Variants in BRD1 observed in about 807,000 individuals in gnomAD.
BRD1 encodes the protein bromodomain-containing protein 1.
Under a neutral mutation model 107.7 loss-of-function variants are expected in BRD1, and 24 were observed. The observed-to-expected ratio is 0.22, with a 90% confidence interval of 0.16 to 0.31. The LOEUF (loss-of-function observed/expected upper bound fraction) is 0.31, where lower values mean the gene tolerates loss of function less well. Ranked by LOEUF, BRD1 falls within the 10% of genes least tolerant of loss-of-function variation. BRD1 has a pLI of 1.00. For synonymous variants in BRD1, 744 were observed against 686.1 expected, an observed-to-expected ratio of 1.08 and a Z score of -1.32; for missense variants, 1,279 against 1,638.6, an observed-to-expected ratio of 0.78 and a Z score of 3.79.
chr22:49,814,257 A>C (rs2059908810), intron 2 of BRD1, among the ~76,000 whole-genome samples: 1 of 152,260 alleles, frequency 6.6e-6, no homozygotes, highest in Non-Finnish European at 1.5e-5. Context: ...GCCCCCGACA[A>C]ACAGTGCACA....
intron 8 of BRD1, among the ~76,000 whole-genome samples, chr22:49,779,073 T>C: frequency 6.6e-6 from 1 of 152,140 alleles, no homozygotes; most frequent in South Asian, 2.1e-4. Flanking sequence ...AAATAGAGCA[T>C]TTCTGTAGAA....
intron 2 of BRD1, among the ~76,000 whole-genome samples, chr22:49,812,470 C>T (rs2059868240): frequency 6.6e-6 from 1 of 152,142 alleles, no homozygotes; most frequent in Admixed American, 6.5e-5. Flanking sequence ...ACTCAGGAGG[C>T]TGAGGCATGA....
chr22:49,820,650 G>A lies in BRD1; in HGVS notation c.1367+2301C>T, dbSNP rs1293768202. On this transcript the variant is annotated intron_variant, in intron 2 of 12. Coordinates refer to ENST00000404760, the MANE Select transcript of BRD1 (RefSeq NM_001304808.3). The stretch of plus-strand genomic sequence containing the variant: ...AAGAAGCTTCACCCTCATCTACACA[G>A]AATTCAAATGCACAGCTGAGGCCTC... Among the ~76,000 whole-genome samples, 5 of 152,212 alleles carry A rather than the reference G, an allele frequency of 3.3e-5. No homozygotes were observed. The East Asian group carries it at 9.6e-4, about 29-fold the overall frequency.
intron 10 of BRD1, 62 bp downstream of exon 10, chr22:49,776,972 C>G: frequency 6.2e-7 from 1 of 1,601,202 alleles, no homozygotes. Flanking sequence ...CCCCAGCAGT[C>G]GAGCCCTAAG....
rs769189277 is a variant in BRD1 at position 49,774,367 on chromosome 22, T to C, written c.3436A>G (p.Ile1146Val). The C allele has an allele frequency of 6.3e-5, 101 of 1,613,916 alleles. No individual in the cohort carries two copies. Among genetic ancestry groups the C allele is most frequent in the Non-Finnish European group, 8.1e-5 (95 of 1,179,946 alleles). ...CCTTCCATCATCTTTAACTTGTCTA[T>C]AGTTTCGTCAATACCAAGGGGAACC... ...KMVPLGIDET[I>V]DKLKMMEGRN... The change falls in exon 13 of 13, where the codon ATA becomes GTA. Residue 1146 changes from isoleucine to valine, a missense_variant. This residue lies in a region of BRD1 where 136 missense variants were observed against 196.8 expected (regional missense o/e 0.69). Coordinates refer to ENST00000404760, the MANE Select transcript of BRD1 (RefSeq NM_001304808.3).
intron 8 of BRD1, among the ~76,000 whole-genome samples, chr22:49,779,525 C>A (rs935023183): frequency 6.6e-6 from 1 of 152,116 alleles, no homozygotes; most frequent in African/African-American, 2.4e-5. Context: ...CTCATTTTAA[C>A]CTCGGTCATT....
chr22:49,777,630 G>A (rs771656082), intron 9 of BRD1, 48 bp downstream of exon 9: 2 of 1,580,578 alleles, frequency 1.3e-6, no homozygotes, highest in African/African-American at 2.7e-5. Flanking sequence ...GGCGGGGCGG[G>A]CGGTGCTGGG....
intron 2 of BRD1, among the ~76,000 whole-genome samples, chr22:49,808,675 T>C (rs1456670185): frequency 6.6e-6 from 1 of 152,240 alleles, no homozygotes; most frequent in Non-Finnish European, 1.5e-5. Flanking sequence ...ATTAAGATGG[T>C]ACATTTTATG....
intron 1 of BRD1, among the ~76,000 whole-genome samples, chr22:49,826,551 G>T (rs2060150330): frequency 6.6e-6 from 1 of 152,236 alleles, no homozygotes; most frequent in Non-Finnish European, 1.5e-5. Context: ...GGCGGGGAAG[G>T]CTGCCCACAA....
intron 7 of BRD1, among the ~76,000 whole-genome samples, chr22:49,789,090 G>A (rs1329157387): frequency 6.6e-6 from 1 of 152,098 alleles, no homozygotes; most frequent in Non-Finnish European, 1.5e-5. Flanking sequence ...AATGACACTC[G>A]GCGCCTTAGA....
chr22:49,811,019 A>AT (rs1337408573), intron 2 of BRD1, among the ~76,000 whole-genome samples: 1 of 152,214 alleles, frequency 6.6e-6, no homozygotes, highest in Non-Finnish European at 1.5e-5. Context: ...AGATGAACAG[A>AT]TTTTTTTAAA....
chr22:49,774,638 A>T (rs1208816897), intron 12 of BRD1, among the ~76,000 whole-genome samples: 1 of 152,110 alleles, frequency 6.6e-6, no homozygotes, highest in East Asian at 1.9e-4. Context: ...TAAGGCATAA[A>T]AACCATCACC....
chr22:49,778,016 TAAC>T (rs1389730280), intron 8 of BRD1, among the ~76,000 whole-genome samples: 1 of 152,228 alleles, frequency 6.6e-6, no homozygotes, highest in Non-Finnish European at 1.5e-5. Flanking sequence ...GAAATCAACT[TAAC>T]AAACTGCAGT....
intron 8 of BRD1, among the ~76,000 whole-genome samples, chr22:49,780,225 C>T (rs886988606): frequency 1.3e-5 from 2 of 152,222 alleles, no homozygotes; most frequent in African/African-American, 2.4e-5. Flanking sequence ...CCACGACGGC[C>T]CCGGCTCCGT....
rs973197400 is a variant in BRD1 at position 49,778,430 on chromosome 22, C to G, written c.2858-617G>C. ...GTGTCTGGCCTCACTCACCATGAAG[C>G]TGCAAGTACTGTACACAGCTAAACA... On this transcript the variant is annotated intron_variant, in intron 8 of 12. Coordinates refer to ENST00000404760, the MANE Select transcript of BRD1 (RefSeq NM_001304808.3). Among the ~76,000 whole-genome samples the G allele has an allele frequency of 2.0e-5, 3 of 152,254 alleles. No homozygotes were observed. In the South Asian group the frequency reaches 6.2e-4, roughly 32 times the overall value.
rs1242885998 is a variant in BRD1 at position 49,775,784 on chromosome 22, A to T, written c.3232-39T>A. 22 of 1,528,926 alleles carry T rather than the reference A, an allele frequency of 1.4e-5. No individual in the cohort carries two copies. The East Asian group carries it at 1.6e-4, about 11-fold the overall frequency. 94.7% of individuals were successfully genotyped at this position (1,528,926 alleles called of 1,614,324 possible). On this transcript the variant is annotated intron_variant, in intron 11 of 12. Transcript: ENST00000404760. ...ACCCGCTGAGGTCATTGTGAGGCTC[A>T]CACCCATAAACAACCCCACCTGTCA...
chr22:49,826,090 A>C, intron 1 of BRD1: 11 of 828,888 alleles, frequency 1.3e-5, no homozygotes, highest in Non-Finnish European at 1.6e-5. Flanking sequence ...ACCCTAGTGC[A>C]CCCGGGACGC....
chr22:49,824,376 A>G lies in BRD1; in HGVS notation c.-14-45T>C. The stretch of plus-strand genomic sequence containing the variant: ...AAAGGTAATTCTACGCAGGGTGACC[A>G]AAGACTCGAGAAAACCACAAAAGCA... On this transcript the variant is annotated intron_variant, in intron 1 of 12. Coordinates refer to ENST00000404760, the MANE Select transcript of BRD1 (RefSeq NM_001304808.3). This position sits in a 1 kb window ranked among gnomAD's most constrained non-coding sequence, Gnocchi z 5.9. 1 of 1,588,780 alleles carries G rather than the reference A, an allele frequency of 6.3e-7. No homozygotes were observed. Among genetic ancestry groups the G allele is most frequent in the Non-Finnish European group, 8.6e-7 (1 of 1,167,952 alleles).
chr22:49,814,955 A>G (rs2147310433), intron 2 of BRD1, among the ~76,000 whole-genome samples: 1 of 152,308 alleles, frequency 6.6e-6, no homozygotes, highest in South Asian at 2.1e-4. Flanking sequence ...CAGGGAAGAG[A>G]ACCCGGCCTA....
Sources: gnomAD v4.1 joint callset for allele counts (sites outside exome capture counted in the v4.1 genomes callset) on GRCh38, gnomAD v4.1.1 for gene constraint, gnomAD v4.1.1 regional missense constraint, Gnocchi (gnomAD v3.1) non-coding constraint, MANE v1.5 for transcripts, NCBI Gene and HGNC (gene_info 2026-07-23, HGNC 2026-07-21) for gene names.